Variants in ANO4 observed in about 807,000 individuals in gnomAD.
ANO4 encodes the protein anoctamin 4.
Under a neutral mutation model 141.9 loss-of-function variants are expected in ANO4, and 69 were observed. The observed-to-expected ratio is 0.49, with a 90% CI of 0.40 to 0.59. The LOEUF (loss-of-function observed/expected upper bound fraction) is 0.59, where lower values mean the gene tolerates loss of function less well. Ranked by LOEUF, ANO4 falls within the 20% of genes least tolerant of loss-of-function variation. The pLI is 0.00. For synonymous variants in ANO4, 350 were observed against 394.3 expected (o/e 0.89, Z 1.33); for missense variants, 894 against 1,162.2 (o/e 0.77, Z 3.36).
intron 22 of ANO4, among the ~76,000 whole-genome samples, chr12:101,102,391 C>T (rs371879149): frequency 2.6e-5 from 4 of 152,060 alleles, no homozygotes; most frequent in Admixed American, 6.6e-5. Context: ...AACTTGCGTT[C>T]GTATTTTAGC....
intron 2 of ANO4, among the ~76,000 whole-genome samples, chr12:100,734,697 CTA>C (rs3058349): frequency 0.53 from 79,739 of 151,848 alleles, 21,013 homozygotes; most frequent in Middle Eastern, 0.57. Context: ...ACACTAAATC[CTA>C]TATACTCTTA....
chr12:100,719,408 A>C lies in ANO4; in HGVS notation c.22+1861A>C, dbSNP rs573927181. On this transcript the variant is annotated intron_variant, in intron 1 of 29. Transcript: ENST00000644049. ...ATTTAATACATTCTTCACCCACTGG[A>C]TACTATTGAGATCATTATCTGATGA... is the stretch of plus-strand genomic sequence containing the variant. Among the ~76,000 whole-genome samples, 5 of 152,258 alleles carry C rather than the reference A, an allele frequency of 3.3e-5. 1 individual carries two copies. Among genetic ancestry groups the C allele is most frequent in the African/African-American group, 1.2e-4 (5 of 41,550 alleles).
intron 17 of ANO4, among the ~76,000 whole-genome samples, chr12:101,092,427 G>T (rs2049814173): frequency 6.6e-6 from 1 of 152,160 alleles, no homozygotes; most frequent in Non-Finnish European, 1.5e-5. Flanking sequence ...ATTTTCCACT[G>T]CTCTTAGCAG....
At chr12:100,921,743 G>A (rs1338299065) in intron 2 of ANO4, among the ~76,000 whole-genome samples, 1 of 152,044 alleles carries the variant, frequency 6.6e-6, no homozygotes, top group African/African-American at 2.4e-5. Flanking sequence ...GATGAATCGG[G>A]GAGGTCTAAT....
chr12:100,751,921 G>A (rs2032401444), intron 3 of ANO4, among the ~76,000 whole-genome samples: 1 of 152,232 alleles, frequency 6.6e-6, no homozygotes, highest in East Asian at 1.9e-4. Flanking sequence ...TGTTGGAGCT[G>A]GTGAAGATAT....
At chr12:100,994,197 C>T (rs1382347417) in intron 8 of ANO4, among the ~76,000 whole-genome samples, 3 of 152,204 alleles carry the variant, frequency 2.0e-5, no homozygotes, top group Non-Finnish European at 1.5e-5. Context: ...GTTCTACTGT[C>T]TTTCATCACA....
intron 1 of ANO4, among the ~76,000 whole-genome samples, chr12:100,849,523 G>A (rs967817408): frequency 6.6e-6 from 1 of 151,278 alleles, no homozygotes; most frequent in Admixed American, 6.6e-5. Flanking sequence ...TTACTTACTG[G>A]TTTGTCTTAC....
chr12:100,965,659 A>G (rs1049824204), intron 5 of ANO4, among the ~76,000 whole-genome samples: 1 of 151,758 alleles, frequency 6.6e-6, no homozygotes, highest in Non-Finnish European at 1.5e-5. Flanking sequence ...TTCCCGGAAC[A>G]ATCTCTGGGC....
Position 101,099,635 on chromosome 12 carries a change from G to A in ANO4, c.2064G>A (p.Arg688=), listed in dbSNP as rs1403569410. 1.2e-6 allele frequency: 2 copies of A among 1,612,328 alleles called. No homozygotes were observed. Among genetic ancestry groups the A allele is most frequent in the Non-Finnish European group, 1.7e-6 (2 of 1,179,438 alleles). The change falls in exon 22 of 28, where the codon AGG becomes AGA. Residue 688 remains arginine (R), a synonymous_variant. Transcript: ENST00000392977. The part of the protein sequence containing the change: ...RKVRQEHGPE[R]KISFPQWEKD... The stretch of plus-strand genomic sequence containing the variant: ...TACGACAAGAACATGGACCTGAAAG[G>A]AAAATAAGTTTCCCACAATGGGAAA...
At chr12:100,951,175 A>C (rs1476338783) in intron 5 of ANO4, among the ~76,000 whole-genome samples, 2 of 152,190 alleles carry the variant, frequency 1.3e-5, no homozygotes, top group African/African-American at 4.8e-5. Flanking sequence ...AATACTAAAA[A>C]GTCAAAAAAT....
intron 8 of ANO4, among the ~76,000 whole-genome samples, chr12:101,008,249 G>T (rs1251930826): frequency 6.6e-6 from 1 of 151,958 alleles, no homozygotes; most frequent in Non-Finnish European, 1.5e-5. Context: ...GCCCTACAAG[G>T]TTTGTTTTGA....
chr12:100,833,130 A>G (rs2036719924), intron 1 of ANO4, among the ~76,000 whole-genome samples: 1 of 152,148 alleles, frequency 6.6e-6, no homozygotes, highest in African/African-American at 2.4e-5. Context: ...CACAGTTTGA[A>G]AAACTATTCA....
intron 8 of ANO4, among the ~76,000 whole-genome samples, chr12:101,007,989 C>A (rs2045940069): frequency 6.6e-6 from 1 of 152,286 alleles, no homozygotes; most frequent in Non-Finnish European, 1.5e-5. Context: ...AAAAGTCTAC[C>A]TTCAAGCTGG....
chr12:100,963,475 A>ACTGTGTGTGTGTGT (rs2043512143), intron 5 of ANO4, among the ~76,000 whole-genome samples: 1 of 151,928 alleles, frequency 6.6e-6, no homozygotes, highest in Admixed American at 6.6e-5. Context: ...CCACCAGGAC[A>ACTGTGTGTGTGTGT]CTGTGTGTGT....
chr12:101,083,537 G>A, intron 15 of ANO4, 141 bp from the exon 16 acceptor site: 1 of 962,578 alleles, frequency 1.0e-6, no homozygotes, highest in Non-Finnish European at 1.5e-6. Context: ...ATTTAAGCCT[G>A]GGCACCCAAA....
At chr12:101,066,997 C>CA (rs34416390) in intron 14 of ANO4, 44,684 of 181,134 alleles carry the variant, frequency 0.25, 4,345 homozygotes, top group Admixed American at 0.29. Flanking sequence ...TAAAGTATAA[C>CA]AAAAAAAAAA....
Position 100,974,939 on chromosome 12 carries a change from G to GTCAT in ANO4, c.602+51_602+52insCATT, listed in dbSNP as rs779296268. ...AGTGTTTGTCTTTCTGTTGGCCCGT[G>GTCAT]TGCTCCAACAATGACAAGGAGCTAT... On this transcript the variant is annotated intron_variant, in intron 7 of 27. Coordinates refer to ENST00000392977, the MANE Select transcript of ANO4 (RefSeq NM_001286615.2). 8.1e-6 allele frequency: 13 copies of GTCAT among 1,595,422 alleles called. No individual in the cohort carries two copies. In the Admixed American group the frequency reaches 2.2e-4, roughly 27 times the overall value.
chr12:100,773,690 C>G (rs2033384455), intron 3 of ANO4, among the ~76,000 whole-genome samples: 1 of 152,196 alleles, frequency 6.6e-6, no homozygotes, highest in South Asian at 2.1e-4. Flanking sequence ...TTCCCTGGAT[C>G]CCTTGGTTCT....
chr12:101,023,864 A>T (rs997471303), intron 9 of ANO4, among the ~76,000 whole-genome samples: 1 of 152,234 alleles, frequency 6.6e-6, no homozygotes, highest in Non-Finnish European at 1.5e-5. Flanking sequence ...AAGAAATAAT[A>T]TGTTAGAAGA....
Sources: allele counts gnomAD v4.1 joint callset (sites outside exome capture counted in the v4.1 genomes callset), GRCh38; gene constraint gnomAD v4.1.1; transcripts MANE v1.5; gene names NCBI Gene and HGNC (gene_info 2026-07-23, HGNC 2026-07-21).